CD86: variants seen among roughly 807,000 people sequenced by gnomAD.
CD86 encodes the protein CD86 molecule.
CD86 carries 11 observed loss-of-function variants against 32.1 expected under a neutral mutation model. The ratio of observed to expected loss-of-function variants is 0.34; its 90% CI spans 0.22 to 0.57. The LOEUF is 0.57. CD86 is among the 20% of genes least tolerant of loss of function. The pLI, the probability that CD86 is intolerant of heterozygous loss-of-function variation, is 0.86. For synonymous variants in CD86, 137 were observed against 135.3 expected (o/e 1.01, Z -0.09); for missense variants, 359 against 398.4 (o/e 0.90, Z 0.84).
intron 1 of CD86, among the ~76,000 whole-genome samples, chr3:122,063,824 T>C (rs183562262): frequency 2.1e-4 from 32 of 152,228 alleles, no homozygotes; most frequent in African/African-American, 7.5e-4. Context: ...AGTGCTGTAT[T>C]ATAGGTGTGA....
intron 5 of CD86, among the ~76,000 whole-genome samples, chr3:122,112,345 C>T (rs897762388): frequency 4.6e-5 from 7 of 151,448 alleles, no homozygotes; most frequent in Admixed American, 2.6e-4. Flanking sequence ...TGAGACAGAG[C>T]CTCACTCTGT....
chr3:122,084,007 G>A (rs143021986), intron 1 of CD86, among the ~76,000 whole-genome samples: 3,087 of 151,990 alleles, frequency 0.02, 114 homozygotes, highest in African/African-American at 0.069. Context: ...TTTTTTCTGA[G>A]ATGGAGTCTT....
At chr3:122,090,458 A>C (rs563293396) in intron 1 of CD86, among the ~76,000 whole-genome samples, 1 of 152,374 alleles carries the variant, frequency 6.6e-6, no homozygotes, top group Admixed American at 6.5e-5. Context: ...TTTCCTTTTT[A>C]CATTGGCTGT....
At chr3:122,071,798 C>T (rs1402677225) in intron 1 of CD86, among the ~76,000 whole-genome samples, 3 of 151,612 alleles carry the variant, frequency 2.0e-5, no homozygotes, top group Middle Eastern at 3.4e-3. Context: ...CATATGTATA[C>T]ATGTGCCATG....
intron 1 of CD86, among the ~76,000 whole-genome samples, 186 bp downstream of exon 1, chr3:122,055,689 T>C (rs112372239): frequency 1.3e-5 from 2 of 152,228 alleles, no homozygotes; most frequent in African/African-American, 2.4e-5. Context: ...AAGCAGTTCA[T>C]TGGTGGTAGT....
At chr3:122,062,717 T>C (rs1228457140) in intron 1 of CD86, among the ~76,000 whole-genome samples, 1 of 152,170 alleles carries the variant, frequency 6.6e-6, no homozygotes, top group Non-Finnish European at 1.5e-5. Flanking sequence ...TTGGGAAGCC[T>C]ATTAGCTTCC....
At chr3:122,069,293 A>C (rs909726856) in intron 1 of CD86, among the ~76,000 whole-genome samples, 1 of 152,182 alleles carries the variant, frequency 6.6e-6, no homozygotes, top group Non-Finnish European at 1.5e-5. Context: ...AAAAAAAAAA[A>C]AACTAGAAAT....
chr3:122,098,604 G>A (rs1182180775), intron 2 of CD86, among the ~76,000 whole-genome samples: 1 of 152,190 alleles, frequency 6.6e-6, no homozygotes, highest in Non-Finnish European at 1.5e-5. Flanking sequence ...TGAACAGGAG[G>A]ATTATGTGAT....
intron 1 of CD86, among the ~76,000 whole-genome samples, chr3:122,070,329 G>T (rs2072472458): frequency 6.6e-6 from 1 of 152,084 alleles, no homozygotes; most frequent in South Asian, 2.1e-4. Flanking sequence ...TCATGAGAAA[G>T]TAAATAAAAG....
rs2072218274 is a variant in CD86, at chr3:122,055,395, A to G, written c.-95A>G. 3 of 1,266,634 alleles carry G rather than the reference A, an allele frequency of 2.4e-6. No individual in the cohort carries two copies. Among genetic ancestry groups the G allele is most frequent in the African/African-American group, 1.5e-5 (1 of 68,184 alleles). The allele number at this position is 1,266,634 out of a possible 1,614,324, so 78.5% of individuals were successfully genotyped here. On this transcript the variant is annotated 5_prime_UTR_variant, in exon 1 of 7. Coordinates refer to ENST00000330540, the MANE Select transcript of CD86 (RefSeq NM_175862.5). ...CCGAGGAAGGCTTGCACAGGGTGAA[A>G]GCTTTGCTTCTCTGCTGCTGTAACA...
Position 122,120,380 on chromosome 3 carries a change from G to C in CD86, c.*846G>C, listed in dbSNP as rs1250178905. ...GGGAAGCTGTGAAAGAACCAAAAGA[G>C]ATCACAATACTCAAAAGAGAGAGAG... On this transcript the variant is annotated 3_prime_UTR_variant, in exon 7 of 7. Coordinates refer to ENST00000330540, the MANE Select transcript of CD86 (RefSeq NM_175862.5). 6.6e-6 allele frequency: 1 copy of C among 152,220 alleles called. No individual in the cohort carries two copies. The highest frequency in any genetic ancestry group is 1.5e-5 in the Non-Finnish European group (1 of 68,108). The allele number at this position is 152,220 out of a possible 1,614,324, so 9.4% of individuals were successfully genotyped here. A position where few individuals can be genotyped will look rare whatever the true frequency, so the allele number is the denominator to read the frequency against.
intron 5 of CD86, among the ~76,000 whole-genome samples, chr3:122,116,109 G>T (rs2073246451): frequency 6.6e-6 from 1 of 152,072 alleles, no homozygotes; most frequent in Non-Finnish European, 1.5e-5. Context: ...TCTTAGATAG[G>T]ACACAGAAAG....
At position 122,064,064 on chromosome 3, in the gene CD86, CAA is replaced by C. The variant is rs565826529; in HGVS notation, c.14+8562_14+8563del. ...TCCAAGGACAGATGAATCAGCCAAA[CAA>C]GAGAGAAAGGGGAAGGGAAAGTGTC... On this transcript the variant is annotated intron_variant, in intron 1 of 6. Coordinates refer to ENST00000330540, the MANE Select transcript of CD86 (RefSeq NM_175862.5). 4.6e-4 allele frequency among the ~76,000 whole-genome samples: 70 copies of C among 152,058 alleles called. No homozygotes were observed. The East Asian group carries it at 0.012, about 25-fold the overall frequency.
At chr3:122,082,260 G>A (rs966966080) in intron 1 of CD86, among the ~76,000 whole-genome samples, 4 of 152,280 alleles carry the variant, frequency 2.6e-5, no homozygotes, top group East Asian at 1.9e-4. Flanking sequence ...ACTGAAATCT[G>A]GCTCCCTGTA....
At chr3:122,119,301 C>T in intron 6 of CD86, 137 bp from the exon 7 acceptor site, 1 of 662,270 alleles carries the variant, frequency 1.5e-6, no homozygotes, top group Non-Finnish European at 2.7e-6. Flanking sequence ...TTGCTTTCTC[C>T]ACCTTTCTCT....
rs1405110354 is a variant in CD86 at position 122,119,480 on chromosome 3, T to A, written c.936T>A (p.Arg312=). Residue 312 remains arginine (R), a synonymous_variant, in exon 7 of 7, where the codon CGT becomes CGA. Coordinates refer to ENST00000330540, the MANE Select transcript of CD86 (RefSeq NM_175862.5). ...HIPERSDEAQ[R]VFKSSKTSSC... is the part of the protein sequence containing the mutation. The stretch of plus-strand genomic sequence containing the variant: ...CTGAAAGATCTGATGAAGCCCAGCG[T>A]GTTTTTAAAAGTTCGAAGACATCTT... 2 of 1,611,986 alleles carry A rather than the reference T, an allele frequency of 1.2e-6. No homozygotes were observed. The highest frequency in any genetic ancestry group is 2.7e-5 in the African/African-American group (2 of 74,914).
chr3:122,060,225 T>A (rs2072313087), intron 1 of CD86, among the ~76,000 whole-genome samples: 3 of 152,170 alleles, frequency 2.0e-5, no homozygotes, highest in Non-Finnish European at 4.4e-5. Context: ...CAGGTCAAAT[T>A]CTGCAGAAAG....
chr3:122,094,392 G>A (rs922922767), intron 2 of CD86, among the ~76,000 whole-genome samples: 1 of 152,172 alleles, frequency 6.6e-6, no homozygotes, highest in Non-Finnish European at 1.5e-5. Context: ...AACCGTTTAA[G>A]TTTTATGGTG....
chr3:122,116,936 C>A (rs552733454), intron 5 of CD86, among the ~76,000 whole-genome samples: 5 of 152,270 alleles, frequency 3.3e-5, no homozygotes, highest in African/African-American at 1.2e-4. Flanking sequence ...TGTTCTCGAT[C>A]TTGATTGTGG....
Sources: allele counts gnomAD v4.1 joint callset (sites outside exome capture counted in the v4.1 genomes callset), GRCh38; gene constraint gnomAD v4.1.1; transcripts MANE v1.5; gene names NCBI Gene and HGNC (gene_info 2026-07-23, HGNC 2026-07-21).